Variants in SLC24A2 observed in about 807,000 individuals in gnomAD.
The protein encoded by SLC24A2 is solute carrier family 24 member 2.
A neutral mutation model predicts 62.0 loss-of-function variants in SLC24A2; 36 were observed. That is an observed-to-expected ratio of 0.58 (90% CI 0.44 to 0.77). SLC24A2 has a LOEUF of 0.77. Among genes scored for constraint, SLC24A2 ranks in the 30% least tolerant of loss-of-function variants. The pLI is 0.00. For synonymous variants in SLC24A2, 358 were observed against 294.0 expected (o/e 1.22, Z -2.23); for missense variants, 846 against 817.9 (o/e 1.03, Z -0.42).
the SLC24A2 span, among the ~76,000 whole-genome samples, chr9:20,263,018 T>C: frequency 6.6e-6 from 1 of 152,188 alleles, no homozygotes; most frequent in Non-Finnish European, 1.5e-5. Flanking sequence ...GTGGAATAAA[T>C]AGGTAGATAA....
intron 7 of SLC24A2, among the ~76,000 whole-genome samples, chr9:19,555,299 C>G (rs1441147155): frequency 6.6e-6 from 1 of 152,154 alleles, no homozygotes; most frequent in Non-Finnish European, 1.5e-5. Flanking sequence ...AATCTCAGCA[C>G]TAAGAAAAGT....
the SLC24A2 span, among the ~76,000 whole-genome samples, chr9:19,996,527 G>C: frequency 1.4e-4 from 21 of 152,134 alleles, no homozygotes; most frequent in East Asian, 2.7e-3. Context: ...ATCACCTGAG[G>C]TCAGGAGTTC....
chr9:19,546,685 G>T (rs993053337), intron 8 of SLC24A2, among the ~76,000 whole-genome samples: 20 of 152,058 alleles, frequency 1.3e-4, no homozygotes, highest in Non-Finnish European at 1.5e-5. Context: ...CCTTTTCCAG[G>T]GAAGTGAATG....
chr9:19,623,042 G>C (rs1817947958), intron 2 of SLC24A2, among the ~76,000 whole-genome samples: 1 of 152,162 alleles, frequency 6.6e-6, no homozygotes. Context: ...ATAAAGGCCT[G>C]GTAATCTGCT....
At chr9:20,214,631 A>G in the SLC24A2 span, among the ~76,000 whole-genome samples, 1 of 30,892 alleles carries the variant, frequency 3.2e-5, no homozygotes, top group Non-Finnish European at 2.0e-4. Context: ...ATAAAAAATA[A>G]AAAAAAAAAT....
At chr9:19,545,928 C>G (rs1834542972) in intron 8 of SLC24A2, among the ~76,000 whole-genome samples, 1 of 152,212 alleles carries the variant, frequency 6.6e-6, no homozygotes, top group African/African-American at 2.4e-5. Context: ...TGAGCCACTG[C>G]ACCTGGCCTA....
intron 3 of SLC24A2, among the ~76,000 whole-genome samples, chr9:19,622,006 C>T (rs1302766114): frequency 6.6e-6 from 1 of 152,192 alleles, no homozygotes; most frequent in Non-Finnish European, 1.5e-5. Flanking sequence ...CCAACTTCTA[C>T]AAAAGTTCAT....
chr9:19,966,608 A>T, the SLC24A2 span, among the ~76,000 whole-genome samples: 2 of 152,354 alleles, frequency 1.3e-5, no homozygotes, highest in Admixed American at 6.5e-5. Context: ...AATCTGCCAC[A>T]TTCTCACTAA....
At chr9:19,944,855 GA>G in the SLC24A2 span, among the ~76,000 whole-genome samples, 1 of 151,816 alleles carries the variant, frequency 6.6e-6, no homozygotes, top group African/African-American at 2.4e-5. Context: ...ATAGTTACAG[GA>G]AAAAAAGGAC....
chr9:19,514,378 C>G lies in SLC24A2; in HGVS notation c.*1775G>C, dbSNP rs1832848467. The G allele has an allele frequency of 6.6e-6, 1 of 152,090 alleles. No homozygotes were observed. Among genetic ancestry groups the G allele is most frequent in the African/African-American group, 2.4e-5 (1 of 41,400 alleles). The allele number at this position is 152,090 out of a possible 1,614,324, so 9.4% of individuals were successfully genotyped here. A position where few individuals can be genotyped will look rare whatever the true frequency, so the allele number is the denominator to read the frequency against. On this transcript the variant is annotated 3_prime_UTR_variant, in exon 11 of 11. Coordinates refer to ENST00000341998, the MANE Select transcript of SLC24A2 (RefSeq NM_020344.4). ...TGAAATTTCCCATATGCCATATGTA[C>G]CAACTTAGACGTAGGATGGGTACAG...
intron 8 of SLC24A2, among the ~76,000 whole-genome samples, chr9:19,537,209 A>C (rs950805917): frequency 2.1e-5 from 3 of 145,762 alleles, no homozygotes; most frequent in African/African-American, 5.1e-5. Flanking sequence ...TAGTTTAATT[A>C]GATCCCATTT....
chr9:19,691,457 A>T (rs1208590930), intron 2 of SLC24A2, among the ~76,000 whole-genome samples: 1 of 152,168 alleles, frequency 6.6e-6, no homozygotes, highest in Non-Finnish European at 1.5e-5. Context: ...AGGTGACTGA[A>T]GACCACAGTG....
the SLC24A2 span, among the ~76,000 whole-genome samples, chr9:20,169,743 C>T: frequency 2.1e-4 from 32 of 151,888 alleles, no homozygotes; most frequent in South Asian, 8.3e-4. Flanking sequence ...ACCAGAAAAC[C>T]GACTCTGGTA....
intron 2 of SLC24A2, among the ~76,000 whole-genome samples, chr9:19,687,566 T>A (rs370707690): frequency 1.3e-5 from 2 of 152,112 alleles, no homozygotes; most frequent in African/African-American, 4.8e-5. Context: ...TTCTGAAACA[T>A]TGTACCAATG....
the SLC24A2 span, among the ~76,000 whole-genome samples, chr9:20,126,137 G>A: frequency 6.6e-6 from 1 of 152,130 alleles, no homozygotes; most frequent in African/African-American, 2.4e-5. Context: ...ATGATCGGTG[G>A]AGTTTTCTAT....
chr9:20,117,628 A>AAGTG, the SLC24A2 span, among the ~76,000 whole-genome samples: 8 of 152,174 alleles, frequency 5.3e-5, no homozygotes, highest in African/African-American at 1.9e-4. Flanking sequence ...GTCGCTTTAA[A>AAGTG]AGTGAGGAAA....
At chr9:20,033,035 T>G in the SLC24A2 span, among the ~76,000 whole-genome samples, 37 of 152,330 alleles carry the variant, frequency 2.4e-4, no homozygotes, top group East Asian at 6.9e-3. Flanking sequence ...AATATAATTT[T>G]AGAGTTCATG....
At chr9:19,573,281 G>T (rs1210816403) in intron 7 of SLC24A2, 70 bp downstream of exon 7, 3 of 1,030,268 alleles carry the variant, frequency 2.9e-6, no homozygotes, top group African/African-American at 1.6e-5. Flanking sequence ...GAGAATATAG[G>T]GTCTGTGCTG....
At chr9:19,771,959 A>T (rs1361272337) in intron 2 of SLC24A2, among the ~76,000 whole-genome samples, 2 of 152,194 alleles carry the variant, frequency 1.3e-5, no homozygotes, top group Non-Finnish European at 2.9e-5. Flanking sequence ...CATAACCAAG[A>T]TGTATAAAGC....
Sources: gnomAD v4.1 joint callset for allele counts (sites outside exome capture counted in the v4.1 genomes callset) on GRCh38, gnomAD v4.1.1 for gene constraint, MANE v1.5 for transcripts, NCBI Gene and HGNC (gene_info 2026-07-23, HGNC 2026-07-21) for gene names.